Variants in DNAJC1 observed in about 807,000 individuals in gnomAD.
DNAJC1 encodes DnaJ heat shock protein family (Hsp40) member C1, also known as dnaJ homolog subfamily C member 1.
A neutral mutation model predicts 76.6 loss-of-function variants in DNAJC1; 58 were observed. The ratio of observed to expected loss-of-function variants is 0.76; its 90% CI spans 0.61 to 0.94. DNAJC1 has a LOEUF of 0.94. DNAJC1 is among the 40% of genes least tolerant of loss of function. The pLI is 0.00. For synonymous variants in DNAJC1, 258 were observed against 267.9 expected, an observed-to-expected ratio of 0.96 and a Z score of 0.36; for missense variants, 689 against 677.3, an observed-to-expected ratio of 1.02 and a Z score of -0.19.
At chr10:21,757,503 G>A (rs1002046821) in intron 11 of DNAJC1, among the ~76,000 whole-genome samples, 1 of 152,260 alleles carries the variant, frequency 6.6e-6, no homozygotes, top group African/African-American at 2.4e-5. Context: ...TTTATCAGCT[G>A]CCTGGGACAG....
At chr10:21,858,303 TG>T (rs1186080382) in intron 8 of DNAJC1, among the ~76,000 whole-genome samples, 2 of 152,204 alleles carry the variant, frequency 1.3e-5, no homozygotes, top group African/African-American at 4.8e-5. Flanking sequence ...CACTGCTAGT[TG>T]GGATACTGCC....
chr10:21,935,222 T>C (rs992693814), intron 1 of DNAJC1, among the ~76,000 whole-genome samples: 1 of 152,140 alleles, frequency 6.6e-6, no homozygotes, highest in Non-Finnish European at 1.5e-5. Context: ...TTAAAGAGTA[T>C]GTTCAAAGAA....
chr10:21,945,392 T>G (rs951256627), intron 1 of DNAJC1, among the ~76,000 whole-genome samples: 5 of 152,156 alleles, frequency 3.3e-5, no homozygotes, highest in Admixed American at 1.3e-4. Context: ...TCTTTTCTTT[T>G]TAAAGAAACA....
chr10:21,815,619 T>C (rs1835061981), intron 8 of DNAJC1, among the ~76,000 whole-genome samples: 2 of 152,212 alleles, frequency 1.3e-5, no homozygotes, highest in Non-Finnish European at 2.9e-5. Context: ...ATGGTGTCTT[T>C]TGAAGAGCAG....
At chr10:21,955,542 A>G (rs533088541) in intron 1 of DNAJC1, among the ~76,000 whole-genome samples, 15 of 152,154 alleles carry the variant, frequency 9.9e-5, no homozygotes, top group African/African-American at 3.6e-4. Flanking sequence ...CATTTTTCTA[A>G]TAACAAAAAT....
chr10:21,980,725 G>C (rs770388177), intron 1 of DNAJC1, among the ~76,000 whole-genome samples: 1 of 151,988 alleles, frequency 6.6e-6, no homozygotes, highest in African/African-American at 2.4e-5. Context: ...AGGTATATGA[G>C]AACTGTATTA....
At chr10:21,826,196 C>T (rs1835247325) in intron 8 of DNAJC1, among the ~76,000 whole-genome samples, 2 of 133,650 alleles carry the variant, frequency 1.5e-5, no homozygotes, top group Admixed American at 1.7e-4. Flanking sequence ...TGAGATCGTG[C>T]CATTGCACTC....
chr10:21,955,516 T>G (rs1226923255), intron 1 of DNAJC1, among the ~76,000 whole-genome samples: 2 of 152,084 alleles, frequency 1.3e-5, no homozygotes, highest in African/African-American at 2.4e-5. Flanking sequence ...TTATATTAAA[T>G]TTTTTCCTTT....
chr10:21,982,505 A>G (rs1394659297), intron 1 of DNAJC1, among the ~76,000 whole-genome samples: 1 of 152,200 alleles, frequency 6.6e-6, no homozygotes, highest in African/African-American at 2.4e-5. Flanking sequence ...TATATATCTG[A>G]TAGATTAATA....
chr10:21,873,366 G>GC (rs1836135330), intron 8 of DNAJC1, among the ~76,000 whole-genome samples: 1 of 151,996 alleles, frequency 6.6e-6, no homozygotes, highest in African/African-American at 2.4e-5. Flanking sequence ...AATACTGAAT[G>GC]CCCCAAAGAA....
chr10:21,987,791 T>A (rs1564846059), intron 1 of DNAJC1, among the ~76,000 whole-genome samples: 1 of 152,212 alleles, frequency 6.6e-6, no homozygotes, highest in Non-Finnish European at 1.5e-5. Context: ...CACGGATATA[T>A]GTTAGTAATA....
chr10:21,774,698 C>T (rs991938700), intron 9 of DNAJC1, among the ~76,000 whole-genome samples: 1 of 152,224 alleles, frequency 6.6e-6, no homozygotes, highest in African/African-American at 2.4e-5. Flanking sequence ...AGGATGGTCT[C>T]GATCTCCTGA....
chr10:21,834,299 C>T (rs1728871805), intron 8 of DNAJC1, among the ~76,000 whole-genome samples: 1 of 152,030 alleles, frequency 6.6e-6, no homozygotes, highest in Admixed American at 6.5e-5. Flanking sequence ...AGGGGCTCCC[C>T]AGTGAAACGT....
intron 8 of DNAJC1, among the ~76,000 whole-genome samples, chr10:21,854,158 G>C (rs1490653940): frequency 6.6e-6 from 1 of 151,980 alleles, no homozygotes; most frequent in Non-Finnish European, 1.5e-5. Context: ...TAGAAGAGAA[G>C]AGAAATATAA....
chr10:21,864,186 T>C (rs1051236161), intron 8 of DNAJC1, among the ~76,000 whole-genome samples: 1 of 152,130 alleles, frequency 6.6e-6, no homozygotes, highest in African/African-American at 2.4e-5. Flanking sequence ...ATCGTGCCAC[T>C]GCACTCCAGC....
At chr10:21,785,517 T>A (rs542657848) in intron 9 of DNAJC1, 69 of 152,378 alleles carry the variant, frequency 4.5e-4, no homozygotes, top group African/African-American at 1.6e-3. Context: ...TAGCTTTCCA[T>A]GTCCTTTGAC....
chr10:21,808,188 T>A (rs1388145284), intron 8 of DNAJC1, among the ~76,000 whole-genome samples: 1 of 152,154 alleles, frequency 6.6e-6, no homozygotes, highest in African/African-American at 2.4e-5. Flanking sequence ...TATTTTAACA[T>A]TTTTGGAGCA....
chr10:21,772,048 T>C (rs1834384217), intron 9 of DNAJC1, among the ~76,000 whole-genome samples: 1 of 152,132 alleles, frequency 6.6e-6, no homozygotes, highest in Non-Finnish European at 1.5e-5. Context: ...TCCCCCTGCT[T>C]AGCCTCCTGA....
chr10:21,786,463 TAGAGAGAG>T (rs1159399044), intron 9 of DNAJC1, among the ~76,000 whole-genome samples: 7 of 23,422 alleles, frequency 3.0e-4, no homozygotes, highest in African/African-American at 9.1e-4. Flanking sequence ...TATATATATA[TAGAGAGAG>T]AGAGAGAGAG....
Sources: gnomAD v4.1 joint callset for allele counts (sites outside exome capture counted in the v4.1 genomes callset) on GRCh38, gnomAD v4.1.1 for gene constraint, MANE v1.5 for transcripts, NCBI Gene and HGNC (gene_info 2026-07-23, HGNC 2026-07-21) for gene names.